Variants in NELL1 observed in about 807,000 individuals in gnomAD.
The protein encoded by NELL1 is protein kinase C-binding protein NELL1.
In NELL1, 76 loss-of-function variants were observed where a neutral mutation model predicts 107.4. That is an observed-to-expected ratio of 0.71 (90% CI 0.59 to 0.86). NELL1 has a LOEUF of 0.86. NELL1 is among the 40% of genes least tolerant of loss of function. NELL1 has a pLI of 0.00. For missense variants in NELL1, 1,024 were observed against 1,005.5 expected, an observed-to-expected ratio of 1.02 and a Z score of -0.25; for synonymous variants, 353 against 341.2, an observed-to-expected ratio of 1.03 and a Z score of -0.38.
At chr11:21,305,423 G>T (rs186791722) in intron 14 of NELL1, among the ~76,000 whole-genome samples, 3 of 151,954 alleles carry the variant, frequency 2.0e-5, no homozygotes, top group Non-Finnish European at 2.9e-5. Flanking sequence ...TTAGAGTATC[G>T]TTTGATGCCT....
chr11:20,975,949 A>C (rs1306343292), intron 12 of NELL1, among the ~76,000 whole-genome samples: 2 of 130,452 alleles, frequency 1.5e-5, no homozygotes, highest in South Asian at 4.8e-4. Context: ...GTGTACATAT[A>C]TGTACATTAT....
chr11:21,386,864 T>C (rs1851759006), intron 15 of NELL1, among the ~76,000 whole-genome samples: 2 of 152,016 alleles, frequency 1.3e-5, no homozygotes, highest in Admixed American at 1.3e-4. Flanking sequence ...AAAATTAGAG[T>C]CAGAATGGTG....
At chr11:21,250,957 C>A (rs965394862) in intron 14 of NELL1, among the ~76,000 whole-genome samples, 2 of 152,116 alleles carry the variant, frequency 1.3e-5, no homozygotes, top group African/African-American at 4.8e-5. Flanking sequence ...TTCGTCCTGG[C>A]TCAGTCACTA....
intron 2 of NELL1, among the ~76,000 whole-genome samples, chr11:20,715,343 A>G (rs1855224767): frequency 6.6e-6 from 1 of 150,778 alleles, no homozygotes; most frequent in Admixed American, 6.6e-5. Flanking sequence ...AATACCTAAA[A>G]TTTATAATTT....
chr11:20,914,412 A>G (rs1408377455), intron 5 of NELL1, among the ~76,000 whole-genome samples: 1 of 152,088 alleles, frequency 6.6e-6, no homozygotes, highest in African/African-American at 2.4e-5. Context: ...CTGATCGGCT[A>G]TTGGTTGAAA....
At chr11:21,232,418 G>A (rs542211930) in intron 14 of NELL1, among the ~76,000 whole-genome samples, 263 of 151,748 alleles carry the variant, frequency 1.7e-3, no homozygotes, top group Admixed American at 3.2e-3. Flanking sequence ...TTTATATTTG[G>A]TGTTTTAAAC....
intron 14 of NELL1, among the ~76,000 whole-genome samples, chr11:21,337,486 A>C (rs1409825812): frequency 6.6e-6 from 1 of 152,238 alleles, no homozygotes; most frequent in Non-Finnish European, 1.5e-5. Context: ...TTCCAAGATC[A>C]CTGCAACAAC....
intron 13 of NELL1, among the ~76,000 whole-genome samples, chr11:21,138,631 A>C (rs984654197): frequency 1.3e-5 from 2 of 152,362 alleles, no homozygotes; most frequent in Admixed American, 1.3e-4. Context: ...CAATAAACAA[A>C]GTATGAAATC....
chr11:20,978,723 A>T (rs1202704766), intron 12 of NELL1, among the ~76,000 whole-genome samples: 1 of 152,130 alleles, frequency 6.6e-6, no homozygotes, highest in Non-Finnish European at 1.5e-5. Context: ...TCTGTAATAA[A>T]CCTGTCCTTA....
At chr11:21,008,756 G>C (rs1176046449) in intron 12 of NELL1, among the ~76,000 whole-genome samples, 1 of 152,100 alleles carries the variant, frequency 6.6e-6, no homozygotes, top group Non-Finnish European at 1.5e-5. Context: ...CTGGGGCAGA[G>C]ATAACTTTCT....
intron 12 of NELL1, among the ~76,000 whole-genome samples, chr11:21,075,257 T>C (rs1854107333): frequency 6.6e-6 from 1 of 152,206 alleles, no homozygotes; most frequent in East Asian, 1.9e-4. Context: ...ACAATCTGTG[T>C]TGTGATCTAT....
At chr11:21,329,621 C>T (rs1850227594) in intron 14 of NELL1, among the ~76,000 whole-genome samples, 1 of 151,966 alleles carries the variant, frequency 6.6e-6, no homozygotes, top group South Asian at 2.1e-4. Flanking sequence ...CTTTTTAAAC[C>T]CACTTTTTAA....
intron 17 of NELL1, among the ~76,000 whole-genome samples, chr11:21,564,769 A>G (rs1856931224): frequency 6.6e-6 from 1 of 151,944 alleles, no homozygotes; most frequent in Non-Finnish European, 1.5e-5. Flanking sequence ...ATTCCATGTT[A>G]TAATAAAGTC....
chr11:21,384,828 T>C (rs1851702791), intron 15 of NELL1, among the ~76,000 whole-genome samples: 2 of 152,060 alleles, frequency 1.3e-5, no homozygotes, highest in Admixed American at 1.3e-4. Context: ...TGACACATTT[T>C]CTTAATCCAG....
At chr11:20,677,568 C>G (rs1343067704) in intron 1 of NELL1, among the ~76,000 whole-genome samples, 1 of 152,102 alleles carries the variant, frequency 6.6e-6, no homozygotes, top group Non-Finnish European at 1.5e-5. Context: ...AAATGTTGTA[C>G]TTGATTATGG....
intron 9 of NELL1, among the ~76,000 whole-genome samples, chr11:20,931,225 G>A (rs1850611178): frequency 1.3e-5 from 2 of 151,874 alleles, no homozygotes; most frequent in African/African-American, 4.8e-5. Flanking sequence ...GGGAGGGGGA[G>A]AATACCGGGG....
chr11:21,484,126 T>TC (rs1182094832), intron 15 of NELL1, among the ~76,000 whole-genome samples: 43 of 149,698 alleles, frequency 2.9e-4, no homozygotes, highest in African/African-American at 1.1e-3. Context: ...ATAATTTTTT[T>TC]CCCATGCTAT....
chr11:20,927,550 T>C, intron 8 of NELL1, 108 bp downstream of exon 8: 3 of 1,125,094 alleles, frequency 2.7e-6, no homozygotes, highest in Non-Finnish European at 3.7e-6. Context: ...CTGAGAATTG[T>C]TAGGTTTTTA....
At chr11:20,963,565 T>C (rs1355003064) in intron 12 of NELL1, among the ~76,000 whole-genome samples, 1 of 152,178 alleles carries the variant, frequency 6.6e-6, no homozygotes, top group Admixed American at 6.6e-5. Flanking sequence ...TTAAATGAGA[T>C]AAATGGTCAT....
Sources: gnomAD v4.1 joint callset for allele counts (sites outside exome capture counted in the v4.1 genomes callset) on GRCh38, gnomAD v4.1.1 for gene constraint, MANE v1.5 for transcripts, NCBI Gene and HGNC (gene_info 2026-07-23, HGNC 2026-07-21) for gene names.